CCDC60: variants seen among roughly 807,000 people sequenced by gnomAD.
CCDC60 encodes the protein coiled-coil domain containing 60, also known as coiled-coil domain-containing protein 60.
In CCDC60, 54 loss-of-function variants were observed where a neutral mutation model predicts 63.5. The ratio of observed to expected loss-of-function variants is 0.85; its 90% confidence interval spans 0.68 to 1.07. The LOEUF is 1.07. CCDC60 is among the 50% of genes least tolerant of loss of function. CCDC60 has a pLI of 0.00. For missense variants in CCDC60, 651 were observed against 684.3 expected (o/e 0.95, Z 0.54); for synonymous variants, 206 against 238.8 (o/e 0.86, Z 1.27).
chr12:119,345,539 A>G (rs950304392), intron 1 of CCDC60, among the ~76,000 whole-genome samples: 15 of 142,388 alleles, frequency 1.1e-4, no homozygotes, highest in African/African-American at 3.7e-4. Flanking sequence ...AGAGAGAGAC[A>G]GCAAATGGGG....
chr12:119,350,852 C>T (rs1955649479), intron 1 of CCDC60, among the ~76,000 whole-genome samples: 1 of 152,176 alleles, frequency 6.6e-6, no homozygotes, highest in Admixed American at 6.5e-5. Context: ...GGCAGGATCC[C>T]AGGTTGCTGT....
chr12:119,484,572 GGC>G (rs1951394391), intron 4 of CCDC60, among the ~76,000 whole-genome samples: 3 of 151,910 alleles, frequency 2.0e-5, no homozygotes, highest in African/African-American at 7.3e-5. Context: ...AAACTGTCTG[GGC>G]AGGTGTCACA....
intron 1 of CCDC60, among the ~76,000 whole-genome samples, chr12:119,366,476 TCTC>T (rs915227430): frequency 2.0e-5 from 3 of 152,052 alleles, no homozygotes; most frequent in African/African-American, 7.2e-5. Context: ...AATCCACACT[TCTC>T]CTGAAGGAGG....
chr12:119,431,659 C>CTGTGTT, intron 2 of CCDC60, among the ~76,000 whole-genome samples: 1 of 150,328 alleles, frequency 6.7e-6, no homozygotes, highest in East Asian at 2.0e-4. Context: ...TTTTGTTTTT[C>CTGTGTT]TGTGTTTGTG....
At chr12:119,490,598 T>G (rs985948338) in intron 5 of CCDC60, among the ~76,000 whole-genome samples, 10 of 152,002 alleles carry the variant, frequency 6.6e-5, no homozygotes, top group African/African-American at 2.2e-4. Flanking sequence ...AGGGTCTTGC[T>G]CTGTTGCCCA....
At chr12:119,539,866 C>G (rs961196985) in intron 13 of CCDC60, among the ~76,000 whole-genome samples, 2 of 152,178 alleles carry the variant, frequency 1.3e-5, no homozygotes, top group Admixed American at 6.5e-5. Context: ...ATGGGAAAAG[C>G]GTAGTATCTG....
chr12:119,375,744 G>T (rs760526457), intron 1 of CCDC60, among the ~76,000 whole-genome samples: 1 of 152,196 alleles, frequency 6.6e-6, no homozygotes, highest in Admixed American at 6.5e-5. Flanking sequence ...GCCGTGGAGG[G>T]AAGTGGCTTG....
At chr12:119,523,549 C>T in intron 10 of CCDC60, 144 bp from the exon 11 acceptor site, 3 of 1,028,642 alleles carry the variant, frequency 2.9e-6, no homozygotes, top group Non-Finnish European at 4.2e-6. Flanking sequence ...AGGGAGGCTC[C>T]AGGTGAGGGC....
At chr12:119,398,083 C>CGGGGAGGAAGGGGGCGGCGGGGGT (rs1956309521) in intron 1 of CCDC60, among the ~76,000 whole-genome samples, 1 of 40,160 alleles carries the variant, frequency 2.5e-5, no homozygotes, top group African/African-American at 1.1e-4. Context: ...GAAGGGGCCG[C>CGGGGAGGAAGGGGGCGGCGGGGGT]GGGGGGAGGA....
chr12:119,524,271 C>A, intron 11 of CCDC60: 1 of 161,116 alleles, frequency 6.2e-6, no homozygotes, highest in Non-Finnish European at 1.3e-5. Context: ...TAGATGAGGG[C>A]TGCATCACGC....
intron 2 of CCDC60, among the ~76,000 whole-genome samples, chr12:119,463,089 G>T (rs1328736105): frequency 6.6e-6 from 1 of 152,182 alleles, no homozygotes; most frequent in Non-Finnish European, 1.5e-5. Flanking sequence ...CTCCCAAAGT[G>T]CTGGGATTAC....
At chr12:119,488,685 A>T in intron 4 of CCDC60, 74 bp from the exon 5 acceptor site, 1 of 1,285,104 alleles carries the variant, frequency 7.8e-7, no homozygotes, top group Non-Finnish European at 1.1e-6. Flanking sequence ...TACCACTACT[A>T]TTTCTGTGGC....
intron 2 of CCDC60, among the ~76,000 whole-genome samples, chr12:119,466,005 G>A (rs1318739597): frequency 6.6e-6 from 1 of 152,162 alleles, no homozygotes; most frequent in African/African-American, 2.4e-5. Context: ...CAATGGAAAC[G>A]AAACTTTTCT....
At chr12:119,535,778 G>A in intron 13 of CCDC60, among the ~76,000 whole-genome samples, 1 of 152,212 alleles carries the variant, frequency 6.6e-6, no homozygotes. Context: ...TGGTCTGAGA[G>A]ACAGTTTGTT....
intron 13 of CCDC60, among the ~76,000 whole-genome samples, chr12:119,535,018 T>C (rs1314001693): frequency 6.6e-6 from 1 of 152,332 alleles, no homozygotes; most frequent in East Asian, 1.9e-4. Flanking sequence ...GTACCTCTGG[T>C]AGAATTTGGC....
intron 2 of CCDC60, among the ~76,000 whole-genome samples, chr12:119,451,505 G>A (rs1366443610): frequency 6.6e-6 from 1 of 152,040 alleles, no homozygotes; most frequent in African/African-American, 2.4e-5. Flanking sequence ...TGGGGGCTTG[G>A]GGCTTTCCCC....
At position 119,479,995 on chromosome 12, in the gene CCDC60, T is replaced by TACACACACAC. The variant is rs56080581; in HGVS notation, c.449+835_449+844dup. Among the ~76,000 whole-genome samples, 249 of 122,066 alleles carry TACACACACAC rather than the reference T, an allele frequency of 2.0e-3. 2 individuals are homozygous for TACACACACAC. The highest frequency in any genetic ancestry group is 6.8e-3 in the East Asian group (27 of 3,990). The allele number at this position is 122,066 out of a possible 152,430, so 80.1% of individuals were successfully genotyped here. ...GTGCATGAGCCCCCACCGTACATCA[T>TACACACACAC]ACACACACACACACACACACACACA... On this transcript the variant is annotated intron_variant, in intron 4 of 13. Coordinates refer to ENST00000327554, the MANE Select transcript of CCDC60 (RefSeq NM_178499.5).
intron 4 of CCDC60, among the ~76,000 whole-genome samples, chr12:119,487,184 T>C (rs1160446872): frequency 6.6e-6 from 1 of 152,142 alleles, no homozygotes; most frequent in East Asian, 1.9e-4. Context: ...GTTCAAATTC[T>C]CACTAATCCT....
chr12:119,364,906 A>G (rs1955825358), intron 1 of CCDC60, among the ~76,000 whole-genome samples: 1 of 152,160 alleles, frequency 6.6e-6, no homozygotes, highest in African/African-American at 2.4e-5. Flanking sequence ...AGAGCCAAGG[A>G]TGACTGGGAG....
Sources: allele counts gnomAD v4.1 joint callset (sites outside exome capture counted in the v4.1 genomes callset), GRCh38; gene constraint gnomAD v4.1.1; transcripts MANE v1.5; gene names NCBI Gene and HGNC (gene_info 2026-07-23, HGNC 2026-07-21).